The following MAPT variants were observed in gnomAD, a reference collection of about 807,000 sequenced individuals.
MAPT encodes the protein microtubule associated protein tau.
A neutral mutation model predicts 67.9 loss-of-function variants in MAPT; 34 were observed. The ratio of observed to expected loss-of-function variants is 0.50; its 90% CI spans 0.38 to 0.67. The LOEUF is 0.67. MAPT is among the 30% of genes least tolerant of loss of function. MAPT has a pLI of 0.00. For synonymous variants in MAPT, 456 were observed against 464.5 expected (o/e 0.98, Z 0.23); for missense variants, 881 against 1,115.2 (o/e 0.79, Z 2.99).
intron 6 of MAPT, 58 bp from the exon 7 acceptor site, chr17:45,989,820 T>G (rs988094588): frequency 6.8e-7 from 1 of 1,480,838 alleles, no homozygotes; most frequent in African/African-American, 1.4e-5. Flanking sequence ...TTTTTCAGTT[T>G]GTTTCCCTCC....
chr17:46,011,271 C>G (rs1388375037), intron 10 of MAPT, among the ~76,000 whole-genome samples: 2 of 152,226 alleles, frequency 1.3e-5, no homozygotes, highest in Non-Finnish European at 2.9e-5. Context: ...TGGCACGCAC[C>G]TGTAGTCCCA....
intron 1 of MAPT, among the ~76,000 whole-genome samples, chr17:45,914,365 C>T (rs1326273083): frequency 6.6e-6 from 1 of 152,212 alleles, no homozygotes; most frequent in South Asian, 2.1e-4. Flanking sequence ...GGGGGACACA[C>T]TGGTGAATCA....
At chr17:45,987,212 G>A in intron 6 of MAPT, 117 bp downstream of exon 6, 1 of 950,968 alleles carries the variant, frequency 1.1e-6, no homozygotes. Flanking sequence ...AAGTACAGCT[G>A]TCATTTAAAG....
intron 5 of MAPT, among the ~76,000 whole-genome samples, chr17:45,984,483 C>T (rs1172507978): frequency 6.6e-6 from 1 of 152,258 alleles, no homozygotes; most frequent in East Asian, 1.9e-4. Context: ...CCAGGAGGTG[C>T]TGGAGTGTGG....
intron 6 of MAPT, among the ~76,000 whole-genome samples, chr17:45,987,583 T>G (rs949629087): frequency 6.6e-6 from 1 of 152,254 alleles, no homozygotes; most frequent in African/African-American, 2.4e-5. Flanking sequence ...CAGTGGCGTT[T>G]TTCCTGGAAA....
At chr17:45,895,238 C>G (rs2063098949) in intron 1 of MAPT, 1 of 152,226 alleles carries the variant, frequency 6.6e-6, no homozygotes, top group Non-Finnish European at 1.5e-5. Flanking sequence ...AGCAGTGATT[C>G]CGACAGGGCC....
chr17:46,019,268 C>G (rs2076375897), intron 12 of MAPT, among the ~76,000 whole-genome samples: 1 of 151,514 alleles, frequency 6.6e-6, no homozygotes, highest in Non-Finnish European at 1.5e-5. Context: ...ATCATGAGAA[C>G]AGCATGGGAA....
chr17:46,008,167 G>C (rs962641296), intron 9 of MAPT, among the ~76,000 whole-genome samples: 7 of 152,192 alleles, frequency 4.6e-5, no homozygotes, highest in Non-Finnish European at 8.8e-5. Flanking sequence ...CGCCATCTCA[G>C]CTCACTGCAA....
chr17:45,920,961 A>G (rs983524688), intron 1 of MAPT, among the ~76,000 whole-genome samples: 2 of 152,192 alleles, frequency 1.3e-5, no homozygotes, highest in African/African-American at 2.4e-5. Context: ...ATAGTGGCAA[A>G]CGTATGCATC....
At chr17:45,903,902 A>C (rs1452487875) in intron 1 of MAPT, among the ~76,000 whole-genome samples, 1 of 29,604 alleles carries the variant, frequency 3.4e-5, no homozygotes, top group Admixed American at 6.4e-4. Context: ...TATTATATAT[A>C]TTTATATATT....
chr17:45,971,905 C>A lies in MAPT; in HGVS notation c.180C>A (p.Gly60=), dbSNP rs1187428547. The A allele has an allele frequency of 1.9e-6, 3 of 1,613,990 alleles. No individual in the cohort carries two copies. The Admixed American group carries it at 5.0e-5, about 27-fold the overall frequency. The change falls in exon 3 of 13, where the codon GGC becomes GGA. Residue 60 remains glycine (G), a synonymous_variant. Coordinates refer to ENST00000262410, the MANE Select transcript of MAPT (RefSeq NM_001377265.1). The surrounding 1 kb of genome is among the most constrained non-coding windows in gnomAD (Gnocchi z 4.3). The stretch of plus-strand genomic sequence containing the variant: ...CTGAGGACGGATCTGAGGAACCGGG[C>A]TCTGAAACCTCTGATGCTAAGAGCA... ...TPTEDGSEEP[G]SETSDAKSTP...
chr17:46,020,647 T>TC (rs768604373), intron 12 of MAPT, among the ~76,000 whole-genome samples: 9 of 152,138 alleles, frequency 5.9e-5, no homozygotes, highest in Non-Finnish European at 1.0e-4. Flanking sequence ...GAAAGGCTTG[T>TC]CTCACACGGT....
chr17:45,980,229 G>A (rs3785884), intron 4 of MAPT: 23,611 of 152,270 alleles, frequency 0.16, 2,348 homozygotes, highest in Non-Finnish European at 0.22. Context: ...GGCTGGGTGC[G>A]GTGGCTCATG....
intron 1 of MAPT, among the ~76,000 whole-genome samples, chr17:45,947,555 T>C (rs2068633279): frequency 6.6e-6 from 1 of 151,820 alleles, no homozygotes; most frequent in Admixed American, 6.6e-5. Flanking sequence ...ACCCAGCTAA[T>C]TTTTGTGTTT....
chr17:45,983,777 G>A lies in MAPT; in HGVS notation c.1198G>A (p.Ala400Thr), dbSNP rs753107177. 1.9e-6 allele frequency: 3 copies of A among 1,614,070 alleles called. No homozygotes were observed. Among genetic ancestry groups the A allele is most frequent in the South Asian group, 2.2e-5 (2 of 91,086 alleles). Residue 400 changes from alanine (A) to threonine (T), a missense_variant, in exon 5 of 13, where the codon GCT (alanine) becomes ACT (threonine). By Grantham distance (58) the Ala-to-Thr change is moderately conservative (BLOSUM62 0). Around this residue, in one of 6 missense-constraint regions of MAPT, gnomAD observed 687 missense variants for 766.1 expected, o/e 0.90. Coordinates refer to ENST00000262410, the MANE Select transcript of MAPT (RefSeq NM_001377265.1). ...GCACTCGGAGGAGCATTTGGGAAGG[G>A]CTGCATTTCCAGGGGCCCCTGGAGA... is the stretch of plus-strand genomic sequence containing the variant. ...QAHSEEHLGR[A>T]AFPGAPGEGP...
intron 1 of MAPT, among the ~76,000 whole-genome samples, chr17:45,923,954 T>C (rs2066010463): frequency 1.3e-5 from 2 of 152,204 alleles, no homozygotes; most frequent in African/African-American, 4.8e-5. Context: ...TTAAATGAAT[T>C]AAGATGGGTA....
rs1299665009 is a variant in MAPT, at chr17:45,906,820, C to T, written c.-18+12134C>T. On this transcript the variant is annotated intron_variant, in intron 1 of 12. Transcript: ENST00000262410. The surrounding 1 kb of genome is among the most constrained non-coding windows in gnomAD (Gnocchi z 4.3). ...GTGGCAAGCCATGGAGCCTTAAGCT[C>T]TTCTCCCTCCACATCCTGGAACAGA... 6.6e-6 allele frequency among the ~76,000 whole-genome samples: 1 copy of T among 152,100 alleles called. No homozygotes were observed. The highest frequency in any genetic ancestry group is 6.5e-5 in the Admixed American group (1 of 15,274).
chr17:45,895,682 C>G (rs1279301185), intron 1 of MAPT: 3 of 152,254 alleles, frequency 2.0e-5, no homozygotes. Flanking sequence ...CCCCTCACTG[C>G]GGCAGTGGGT....
intron 1 of MAPT, among the ~76,000 whole-genome samples, chr17:45,899,475 G>A (rs1018950140): frequency 3.3e-5 from 5 of 152,136 alleles, no homozygotes; most frequent in African/African-American, 1.2e-4. Flanking sequence ...TATTATCTCC[G>A]TGATGGGGAA....
Sources: allele counts gnomAD v4.1 joint callset (sites outside exome capture counted in the v4.1 genomes callset), GRCh38; gene constraint gnomAD v4.1.1; regional missense constraint gnomAD v4.1.1; non-coding constraint Gnocchi (gnomAD v3.1); transcripts MANE v1.5; gene names NCBI Gene and HGNC (gene_info 2026-07-23, HGNC 2026-07-21).